The following PRDM16 variants were observed in gnomAD, a reference collection of about 807,000 sequenced individuals.
PRDM16 encodes PR/SET domain 16.
Under a neutral mutation model 110.6 loss-of-function variants are expected in PRDM16, and 23 were observed. The ratio of observed to expected loss-of-function variants is 0.21; its 90% CI spans 0.15 to 0.29. PRDM16 has a LOEUF of 0.29. Among genes scored for constraint, PRDM16 ranks in the 10% least tolerant of loss-of-function variants. The pLI is 1.00. For missense variants in PRDM16, 1,615 were observed against 1,794.3 expected (o/e 0.90, Z 1.81); for synonymous variants, 799 against 781.8 (o/e 1.02, Z -0.37).
At chr1:3,132,292 TC>T (rs2100685715) in intron 1 of PRDM16, among the ~76,000 whole-genome samples, 1 of 152,262 alleles carries the variant, frequency 6.6e-6, no homozygotes, top group African/African-American at 2.4e-5. Context: ...CTGGATGTGG[TC>T]CCTGCCCAAC....
At chr1:3,274,533 T>A (rs1640539404) in intron 3 of PRDM16, among the ~76,000 whole-genome samples, 1 of 152,228 alleles carries the variant, frequency 6.6e-6, no homozygotes, top group Non-Finnish European at 1.5e-5. Flanking sequence ...GTTCATAATA[T>A]TCTTTGAAAT....
intron 3 of PRDM16, among the ~76,000 whole-genome samples, chr1:3,327,867 G>A (rs539862450): frequency 1.4e-4 from 21 of 152,342 alleles, no homozygotes; most frequent in African/African-American, 5.1e-4. Flanking sequence ...GGGAAGCCAA[G>A]GCCACTGTTA....
At chr1:3,403,489 A>T (rs1267288565) in intron 6 of PRDM16, among the ~76,000 whole-genome samples, 4 of 152,210 alleles carry the variant, frequency 2.6e-5, no homozygotes, top group Non-Finnish European at 5.9e-5. Context: ...CTCAGATGGT[A>T]GGCAAGAGCC....
intron 3 of PRDM16, among the ~76,000 whole-genome samples, chr1:3,247,489 T>C (rs1050642487): frequency 1.2e-4 from 18 of 152,228 alleles, no homozygotes; most frequent in African/African-American, 4.1e-4. Context: ...CTGTGGGCGC[T>C]ACAGAGGTGC....
intron 3 of PRDM16, among the ~76,000 whole-genome samples, chr1:3,368,397 C>G (rs533827847): frequency 6.6e-6 from 1 of 152,302 alleles, no homozygotes; most frequent in East Asian, 1.9e-4. Context: ...GGGCCCCGGG[C>G]AGGAAGACAC....
At position 3,213,786 on chromosome 1, in the gene PRDM16, G is replaced by T. The variant is rs1557533565; in HGVS notation, c.387+27312G>T. Among the ~76,000 whole-genome samples the T allele has an allele frequency of 1.3e-5, 2 of 152,064 alleles. No homozygotes were observed. The highest frequency in any genetic ancestry group is 1.3e-4 in the Admixed American group (2 of 15,272). ...CCACCCCAGGTCACCTACAAACAAG[G>T]TCAGCCAGGGCCGTAGACCAAGGAC... On this transcript the variant is annotated intron_variant, in intron 2 of 16. Coordinates refer to ENST00000270722, the MANE Select transcript of PRDM16 (RefSeq NM_022114.4). The surrounding 1 kb of genome is among the most constrained non-coding windows in gnomAD (Gnocchi z 5.3).
chr1:3,219,726 C>T (rs1434093513), intron 2 of PRDM16, among the ~76,000 whole-genome samples: 3 of 152,196 alleles, frequency 2.0e-5, no homozygotes, highest in Non-Finnish European at 4.4e-5. Flanking sequence ...ATGGCAGGAG[C>T]GGCCATCTCT....
intron 1 of PRDM16, among the ~76,000 whole-genome samples, chr1:3,070,140 C>A (rs991030738): frequency 3.3e-5 from 5 of 151,998 alleles, no homozygotes; most frequent in African/African-American, 1.2e-4. Flanking sequence ...CCCCTCTGTA[C>A]CCGCTTGCCT....
At chr1:3,413,579 A>G (rs1643731227) in intron 9 of PRDM16, among the ~76,000 whole-genome samples, 1 of 152,168 alleles carries the variant, frequency 6.6e-6, no homozygotes, top group Non-Finnish European at 1.5e-5. Flanking sequence ...CCGCTTCGCC[A>G]TGCAAGGAGA....
rs1253021579 is a variant in PRDM16, at chr1:3,425,424, T to C, written c.2940-157T>C. ...AGCTTCCCCAGGATGCCTTTGGCTC[T>C]GCAGCTGGGAGATCCAGCAACCTCC... is the stretch of plus-strand genomic sequence containing the variant. On this transcript the variant is annotated intron_variant, in intron 12 of 16. Coordinates refer to ENST00000270722, the MANE Select transcript of PRDM16 (RefSeq NM_022114.4). This position sits in a 1 kb window ranked among gnomAD's most constrained non-coding sequence, Gnocchi z 6.9. The C allele has an allele frequency of 7.2e-5, 52 of 726,140 alleles. No individual in the cohort carries two copies. Among genetic ancestry groups the C allele is most frequent in the Non-Finnish European group, 7.5e-5 (34 of 454,932 alleles). The allele number at this position is 726,140 out of a possible 1,614,324, so 45.0% of individuals were successfully genotyped here. A position where few individuals can be genotyped will look rare whatever the true frequency, so the allele number is the denominator to read the frequency against.
chr1:3,318,537 CATCT>C (rs1306375294), intron 3 of PRDM16, among the ~76,000 whole-genome samples: 17 of 151,962 alleles, frequency 1.1e-4, no homozygotes, highest in Non-Finnish European at 1.9e-4. Context: ...ATTGATTATC[CATCT>C]ATCAATTAGC....
At chr1:3,193,154 G>A (rs959958107) in intron 2 of PRDM16, among the ~76,000 whole-genome samples, 19 of 152,298 alleles carry the variant, frequency 1.2e-4, no homozygotes, top group East Asian at 1.9e-4. Context: ...CAGACGCAGC[G>A]GCTTACCAGG....
At chr1:3,297,972 G>T (rs1401190670) in intron 3 of PRDM16, among the ~76,000 whole-genome samples, 1 of 152,130 alleles carries the variant, frequency 6.6e-6, no homozygotes, top group African/African-American at 2.4e-5. Flanking sequence ...CTCTGCAGGG[G>T]CCAGACTGCA....
At chr1:3,394,386 C>A in intron 4 of PRDM16, 1 of 446,682 alleles carries the variant, frequency 2.2e-6, no homozygotes, top group Non-Finnish European at 4.5e-6. Flanking sequence ...CGTCCGCCCA[C>A]CCAGCCCTCT....
intron 8 of PRDM16, among the ~76,000 whole-genome samples, chr1:3,409,665 G>A (rs139065890): frequency 1.3e-5 from 2 of 151,594 alleles, no homozygotes; most frequent in African/African-American, 4.8e-5. Context: ...TGTGGTGTGC[G>A]TGTCTGTGGT....
intron 1 of PRDM16, among the ~76,000 whole-genome samples, chr1:3,176,709 TATCCATCCATCCATCC>T (rs111683546): frequency 2.8e-5 from 4 of 144,144 alleles, no homozygotes; most frequent in Admixed American, 2.7e-4. Flanking sequence ...TCTGTCCATC[TATCCATCCATCCATCC>T]ATCCATCCAT....
chr1:3,412,255 G>A lies in PRDM16; in HGVS notation c.2058G>A (p.Thr686=), dbSNP rs368426649. The change falls in exon 9 of 17, where the codon ACG becomes ACA. Residue 686 remains threonine (T), a synonymous_variant. Transcript: ENST00000270722. ...CCGACGAGCAGCTGCTGACTGCAAC[G>A]GGCGCCGCCGGGGACTCCATCAAGG... The part of the protein sequence containing the change: ...PPPDEQLLTA[T]GAAGDSIKAI... 62 of 1,611,486 alleles carry A rather than the reference G, an allele frequency of 3.8e-5. No homozygotes were observed. The Admixed American group carries it at 6.5e-4, about 17-fold the overall frequency.
chr1:3,096,760 G>A (rs756455523), intron 1 of PRDM16, among the ~76,000 whole-genome samples: 12 of 152,164 alleles, frequency 7.9e-5, no homozygotes, highest in Non-Finnish European at 1.3e-4. Flanking sequence ...TACGAGAGCC[G>A]AGCAGGGTGG....
At chr1:3,118,038 G>A (rs1228558232) in intron 1 of PRDM16, among the ~76,000 whole-genome samples, 1 of 151,940 alleles carries the variant, frequency 6.6e-6, no homozygotes, top group Non-Finnish European at 1.5e-5. Flanking sequence ...GCATGTGTGT[G>A]TGCATGCTCA....
Sources: gnomAD v4.1 joint callset for allele counts (sites outside exome capture counted in the v4.1 genomes callset) on GRCh38, gnomAD v4.1.1 for gene constraint, Gnocchi (gnomAD v3.1) non-coding constraint, MANE v1.5 for transcripts, NCBI Gene and HGNC (gene_info 2026-07-23, HGNC 2026-07-21) for gene names.